The following USP25 variants were observed in gnomAD, a reference collection of about 807,000 sequenced individuals.
USP25 encodes the protein ubiquitin specific peptidase 25, also known as ubiquitin carboxyl-terminal hydrolase 25.
USP25 carries 85 observed loss-of-function variants against 158.5 expected under a neutral mutation model. That is an observed-to-expected ratio of 0.54 (90% CI 0.45 to 0.64). USP25 has a LOEUF of 0.64. Among genes scored for constraint, USP25 ranks in the 30% least tolerant of loss-of-function variants. The pLI is 0.00. For synonymous variants in USP25, 464 were observed against 460.4 expected, an observed-to-expected ratio of 1.01 and a Z score of -0.10; for missense variants, 1,242 against 1,327.3, an observed-to-expected ratio of 0.94 and a Z score of 1.00.
At chr21:15,822,677 G>A (rs2037292198) in intron 10 of USP25, among the ~76,000 whole-genome samples, 1 of 151,918 alleles carries the variant, frequency 6.6e-6, no homozygotes. Flanking sequence ...TGTGTCTGGG[G>A]TAATGTTTTA....
At chr21:15,873,480 A>G (rs187906726) in intron 23 of USP25, among the ~76,000 whole-genome samples, 1 of 151,974 alleles carries the variant, frequency 6.6e-6, no homozygotes, top group East Asian at 1.9e-4. Flanking sequence ...TTACATTAAT[A>G]TAACACATAT....
At chr21:15,770,092 T>C (rs1481202474) in intron 3 of USP25, among the ~76,000 whole-genome samples, 1 of 152,140 alleles carries the variant, frequency 6.6e-6, no homozygotes, top group Non-Finnish European at 1.5e-5. Context: ...GTAATAGTGA[T>C]TTAAACTGTG....
Position 15,768,879 on chromosome 21 carries a change from A to G in USP25, c.268+2738A>G, listed in dbSNP as rs2034188840. On this transcript the variant is annotated intron_variant, in intron 3 of 25. Coordinates refer to ENST00000400183, the MANE Select transcript of USP25 (RefSeq NM_001283041.3). ...TCTTAAAACCAGGGCTAAAGCAGAA[A>G]CAAAGTCATGCTAACTTTAAGTGAT... Among the ~76,000 whole-genome samples, 3 of 152,128 alleles carry G rather than the reference A, an allele frequency of 2.0e-5. No homozygotes were observed. In the South Asian group the frequency reaches 6.2e-4, roughly 31 times the overall value.
intron 6 of USP25, 116 bp downstream of exon 6, chr21:15,799,959 C>T (rs774857360): frequency 1.6e-4 from 80 of 501,352 alleles, no homozygotes; most frequent in Non-Finnish European, 2.3e-4. Context: ...ATTTGAATGT[C>T]AATTCATTAA....
At chr21:15,832,966 C>T (rs974519285) in intron 16 of USP25, among the ~76,000 whole-genome samples, 29 of 151,968 alleles carry the variant, frequency 1.9e-4, no homozygotes, top group East Asian at 1.6e-3. Context: ...TGCAGTGAGC[C>T]GAGATTGTGT....
rs1228708741 is a variant in USP25 at position 15,816,488 on chromosome 21, A to AAT, written c.932-2209_932-2208insTA. On this transcript the variant is annotated intron_variant, in intron 9 of 25. Coordinates refer to ENST00000400183, the MANE Select transcript of USP25 (RefSeq NM_001283041.3). This position sits in a 1 kb window ranked among gnomAD's most constrained non-coding sequence, Gnocchi z 4.0. The stretch of plus-strand genomic sequence containing the variant: ...AAAAACACATTTCTCTGGCTTTTGT[A>AAT]ACACCATATTCTTGTGGCTTTTTTC... 6.6e-6 allele frequency among the ~76,000 whole-genome samples: 1 copy of AAT among 152,078 alleles called. No individual in the cohort carries two copies. The highest frequency in any genetic ancestry group is 1.5e-5 in the Non-Finnish European group (1 of 68,004).
At chr21:15,849,507 ATTTG>A (rs2038787319) in intron 19 of USP25, among the ~76,000 whole-genome samples, 1 of 152,098 alleles carries the variant, frequency 6.6e-6, no homozygotes, top group Admixed American at 6.6e-5. Flanking sequence ...CATTTTTCTA[ATTTG>A]TTTGTCTAGA....
chr21:15,867,108 C>T lies in USP25; in HGVS notation c.2805+764C>T, dbSNP rs555309952. 5.7e-4 allele frequency among the ~76,000 whole-genome samples: 86 copies of T among 152,124 alleles called. 1 individual carries two copies. Among genetic ancestry groups the T allele is most frequent in the Non-Finnish European group, 1.1e-3 (74 of 67,968 alleles). ...CATGTGCTTGTGGGATTTTTTTGTGCACAAAATTATTTTTTGTCAACTTTG... is the reference window on the plus strand; with the variant it reads ...CATGTGCTTGTGGGATTTTTTTGTGTACAAAATTATTTTTTGTCAACTTTG... On this transcript the variant is annotated intron_variant, in intron 22 of 25. Transcript: ENST00000400183.
At chr21:15,736,467 C>G (rs2031528868) in intron 1 of USP25, among the ~76,000 whole-genome samples, 1 of 152,082 alleles carries the variant, frequency 6.6e-6, no homozygotes, top group South Asian at 2.1e-4. Context: ...TAAATTTAAT[C>G]TTTTTATTGT....
intron 8 of USP25, among the ~76,000 whole-genome samples, chr21:15,810,326 CCT>C (rs2036595975): frequency 1.3e-5 from 2 of 151,922 alleles, no homozygotes; most frequent in South Asian, 2.1e-4. Context: ...GATGGTATCC[CCT>C]CTCTCCCTTT....
At chr21:15,852,995 T>C (rs2038956814) in intron 20 of USP25, among the ~76,000 whole-genome samples, 1 of 152,176 alleles carries the variant, frequency 6.6e-6, no homozygotes, top group Non-Finnish European at 1.5e-5. Context: ...ATGAAAGTAA[T>C]GTATACAAAA....
chr21:15,790,153 C>CT (rs1196943323), intron 4 of USP25, among the ~76,000 whole-genome samples: 2 of 151,970 alleles, frequency 1.3e-5, no homozygotes, highest in African/African-American at 4.8e-5. Flanking sequence ...GTTCATCTAA[C>CT]TAAATGTCTT....
chr21:15,849,981 C>T (rs2038808647), intron 20 of USP25, 109 bp downstream of exon 20: 2 of 852,948 alleles, frequency 2.3e-6, no homozygotes, highest in Non-Finnish European at 3.4e-6. Context: ...TTCTCTTTTC[C>T]TATCTTAGTT....
intron 1 of USP25, among the ~76,000 whole-genome samples, chr21:15,760,068 C>T (rs923678687): frequency 9.8e-5 from 15 of 152,316 alleles, no homozygotes; most frequent in East Asian, 3.9e-4. Flanking sequence ...ACTGCCAATG[C>T]CTATCCAATG....
At position 15,766,729 on chromosome 21, in the gene USP25, T is replaced by C. The variant is rs2034059958; in HGVS notation, c.268+588T>C. Among the ~76,000 whole-genome samples the C allele has an allele frequency of 6.6e-6, 1 of 152,086 alleles. No individual in the cohort carries two copies. Among genetic ancestry groups the C allele is most frequent in the South Asian group, 2.1e-4 (1 of 4,838 alleles). Reference sequence around the variant, plus strand: ...GTTTTTCTTCATAATATGAATACTTTATACTTATGTAGCGCACAGTTTTTC... The same window carrying C: ...GTTTTTCTTCATAATATGAATACTTCATACTTATGTAGCGCACAGTTTTTC... On this transcript the variant is annotated intron_variant, in intron 3 of 25. Transcript: ENST00000400183. This position sits in a 1 kb window ranked among gnomAD's most constrained non-coding sequence, Gnocchi z 4.0.
chr21:15,872,014 GTT>G (rs1158862222), intron 23 of USP25, among the ~76,000 whole-genome samples: 868 of 71,616 alleles, frequency 0.012, 11 homozygotes, highest in African/African-American at 0.038. Context: ...AAGAAATACT[GTT>G]TTTTTTTTTT....
intron 1 of USP25, among the ~76,000 whole-genome samples, chr21:15,747,342 C>A (rs893607643): frequency 5.9e-5 from 9 of 151,548 alleles, no homozygotes; most frequent in Non-Finnish European, 1.2e-4. Context: ...TATATGTTTT[C>A]AAAATATTTG....
chr21:15,859,822 T>G (rs2039336955), intron 20 of USP25, among the ~76,000 whole-genome samples: 1 of 151,750 alleles, frequency 6.6e-6, no homozygotes, highest in Non-Finnish European at 1.5e-5. Flanking sequence ...ATGAGTTTTC[T>G]TCCCCTTTTT....
intron 1 of USP25, 78 bp from the exon 2 acceptor site, chr21:15,762,813 C>T: frequency 2.2e-6 from 3 of 1,338,240 alleles, no homozygotes; most frequent in Non-Finnish European, 2.0e-6. Context: ...TTTGGAAAAC[C>T]AAAGGTGATT....
Sources: allele counts gnomAD v4.1 joint callset (sites outside exome capture counted in the v4.1 genomes callset), GRCh38; gene constraint gnomAD v4.1.1; non-coding constraint Gnocchi (gnomAD v3.1); transcripts MANE v1.5; gene names NCBI Gene and HGNC (gene_info 2026-07-23, HGNC 2026-07-21).